Variants in ST7L observed in about 807,000 individuals in gnomAD.
The protein encoded by ST7L is suppressor of tumorigenicity 7 protein-like.
A neutral mutation model predicts 72.5 loss-of-function variants in ST7L; 57 were observed. The ratio of observed to expected loss-of-function variants is 0.79; its 90% CI spans 0.64 to 0.98. ST7L has a LOEUF of 0.98. Among genes scored for constraint, ST7L ranks in the 50% least tolerant of loss-of-function variants. The pLI is 0.00. For synonymous variants in ST7L, 221 were observed against 240.9 expected, an observed-to-expected ratio of 0.92 and a Z score of 0.77; for missense variants, 576 against 672.2, an observed-to-expected ratio of 0.86 and a Z score of 1.58.
chr1:112,527,524 T>C (rs1388443087), intron 14 of ST7L: 1 of 152,786 alleles, frequency 6.5e-6, no homozygotes, highest in Non-Finnish European at 1.5e-5. Flanking sequence ...GGTCATGGCT[T>C]CTTGCAAGAG....
chr1:112,577,914 A>C (rs989051352), intron 10 of ST7L, among the ~76,000 whole-genome samples: 1 of 152,272 alleles, frequency 6.6e-6, no homozygotes, highest in Non-Finnish European at 1.5e-5. Flanking sequence ...AGAAGAACTC[A>C]GAATTATACT....
At chr1:112,521,149 C>G (rs2273368), downstream of ST7L, 1 of 152,814 alleles carries the variant, frequency 6.5e-6, no homozygotes. Flanking sequence ...TTCTCTCTAC[C>G]ATTCTCAACC....
intron 11 of ST7L, 48 bp downstream of exon 11, chr1:112,576,938 T>G: frequency 7.0e-7 from 1 of 1,421,346 alleles, no homozygotes; most frequent in East Asian, 2.3e-5. Flanking sequence ...CTGTCATCAA[T>G]TTGATAAACT....
rs1388361885 is a variant in ST7L, at chr1:112,523,886, C to T, written c.*2127G>A. The T allele has an allele frequency of 6.6e-6, 1 of 151,900 alleles. No individual in the cohort carries two copies. The highest frequency in any genetic ancestry group is 1.5e-5 in the Non-Finnish European group (1 of 68,008). 9.4% of individuals were successfully genotyped at this position (151,900 alleles called of 1,614,324 possible). On this transcript the variant is annotated 3_prime_UTR_variant, in exon 15 of 15. Coordinates refer to ENST00000358039, the MANE Select transcript of ST7L (RefSeq NM_017744.5). Reference sequence around the variant, plus strand: ...GTAAAAGTAAGAATGCCAGCCTTAACCTAGCCCTGCAGATAAAAGCTAACT... The same window carrying T: ...GTAAAAGTAAGAATGCCAGCCTTAATCTAGCCCTGCAGATAAAAGCTAACT...
intron 10 of ST7L, 28 bp downstream of exon 10, chr1:112,578,317 A>G (rs1663475986): frequency 1.3e-6 from 2 of 1,597,940 alleles, no homozygotes. Context: ...CAGTCTTTCC[A>G]AATCATTGTA....
intron 11 of ST7L, among the ~76,000 whole-genome samples, chr1:112,570,132 T>C (rs540234348): frequency 5.9e-5 from 9 of 152,090 alleles, no homozygotes; most frequent in Non-Finnish European, 1.3e-4. Flanking sequence ...ACGACCGTTT[T>C]TGTGTTTGGC....
chr1:112,602,713 CTT>C (rs35617753), intron 3 of ST7L, among the ~76,000 whole-genome samples: 161 of 120,498 alleles, frequency 1.3e-3, no homozygotes, highest in Middle Eastern at 4.2e-3. Flanking sequence ...CATTTTCTTT[CTT>C]TTTTTTTTTT....
intron 13 of ST7L, among the ~76,000 whole-genome samples, chr1:112,550,383 T>C (rs150498851): frequency 6.6e-6 from 1 of 152,192 alleles, no homozygotes; most frequent in Non-Finnish European, 1.5e-5. Flanking sequence ...TGTTAATATC[T>C]TTAATCTTGG....
In ST7L at chr1:112,540,814, T is replaced by C. The variant is rs764400788; in HGVS notation, c.1629+1137A>G. ...CTAGTTTTTCCATGGTTCTCAGTGT[T>C]TTCATTTTTGGGAATATAATTAATC... On this transcript the variant is annotated intron_variant, in intron 14 of 14. Coordinates refer to ENST00000358039, the MANE Select transcript of ST7L (RefSeq NM_017744.5). 4.7e-6 allele frequency: 6 copies of C among 1,288,722 alleles called. No individual in the cohort carries two copies. In the South Asian group the frequency reaches 7.4e-5, roughly 16 times the overall value. 79.8% of individuals were successfully genotyped at this position (1,288,722 alleles called of 1,614,324 possible). A position where few individuals can be genotyped will look rare whatever the true frequency, so the allele number is the denominator to read the frequency against.
At chr1:112,553,842 T>C (rs1658655200) in intron 12 of ST7L, among the ~76,000 whole-genome samples, 1 of 152,214 alleles carries the variant, frequency 6.6e-6, no homozygotes, top group Non-Finnish European at 1.5e-5. Context: ...GCTAATAGTT[T>C]AAGTGATATC....
chr1:112,518,395 T>C, the ST7L span: 1 of 152,200 alleles, frequency 6.6e-6, no homozygotes, highest in Non-Finnish European at 1.5e-5. Context: ...GTACTGTTTG[T>C]TTTCACCCAT....
Position 112,527,367 on chromosome 1 carries a change from GCT to G in ST7L, c.1630-1258_1630-1257del, listed in dbSNP as rs200828716. The G allele has an allele frequency of 6.0e-3, 913 of 152,798 alleles. 11 individuals are homozygous for G. Among genetic ancestry groups the G allele is most frequent in the Non-Finnish European group, 5.6e-3 (380 of 68,128 alleles). 9.5% of individuals were successfully genotyped at this position (152,798 alleles called of 1,614,324 possible). Reference sequence around the variant, plus strand: ...TTTATTTTTTGGTCCATCGATCTTGGCTCTCACTGTTCTCCCTGCTTCCCACC... The same window carrying G: ...TTTATTTTTTGGTCCATCGATCTTGGCTCACTGTTCTCCCTGCTTCCCACC... On this transcript the variant is annotated intron_variant, in intron 14 of 14. Transcript: ENST00000358039.
chr1:112,544,144 G>C (rs1296254367), intron 13 of ST7L, among the ~76,000 whole-genome samples: 1 of 152,084 alleles, frequency 6.6e-6, no homozygotes, highest in Admixed American at 6.6e-5. Flanking sequence ...AGCTATTCTG[G>C]GACTTCATTA....
intron 11 of ST7L, among the ~76,000 whole-genome samples, chr1:112,571,797 A>T (rs1174943769): frequency 1.3e-5 from 2 of 152,200 alleles, no homozygotes; most frequent in Admixed American, 1.3e-4. Context: ...TATCTTGGAC[A>T]TATTGCAAGT....
chr1:112,534,905 G>A (rs1364402372), intron 14 of ST7L, among the ~76,000 whole-genome samples: 2 of 152,082 alleles, frequency 1.3e-5, no homozygotes, highest in African/African-American at 2.4e-5. Flanking sequence ...TTTTAGCAAT[G>A]AGATTTTCAC....
chr1:112,584,439 AAAG>A (rs886597725), intron 6 of ST7L, among the ~76,000 whole-genome samples: 71 of 151,812 alleles, frequency 4.7e-4, no homozygotes, highest in African/African-American at 1.7e-3. Flanking sequence ...AGGGGGGAGA[AAAG>A]AAGATTTATA....
At chr1:112,581,133 C>G (rs912349009) in intron 9 of ST7L, among the ~76,000 whole-genome samples, 1 of 152,132 alleles carries the variant, frequency 6.6e-6, no homozygotes, top group Admixed American at 6.5e-5. Context: ...ACTATTATAA[C>G]GATCATATTA....
intron 2 of ST7L, among the ~76,000 whole-genome samples, chr1:112,615,303 G>A (rs545800998): frequency 1.3e-3 from 195 of 152,242 alleles, no homozygotes; most frequent in Non-Finnish European, 2.3e-3. Flanking sequence ...TCTTAATTGT[G>A]AGAATTCTCA....
intron 6 of ST7L, among the ~76,000 whole-genome samples, chr1:112,589,408 T>C (rs1382331198): frequency 6.6e-6 from 1 of 152,166 alleles, no homozygotes; most frequent in Non-Finnish European, 1.5e-5. Flanking sequence ...TTCTTTCCTA[T>C]GTATGGGACA....
Sources: gnomAD v4.1 joint callset for allele counts (sites outside exome capture counted in the v4.1 genomes callset) on GRCh38, gnomAD v4.1.1 for gene constraint, MANE v1.5 for transcripts, NCBI Gene and HGNC (gene_info 2026-07-23, HGNC 2026-07-21) for gene names.